Variants in RBFOX2 observed in about 807,000 individuals in gnomAD.
The protein encoded by RBFOX2 is RNA binding fox-1 homolog 2, also known as RNA binding protein fox-1 homolog 2.
In RBFOX2, 10 loss-of-function variants were observed where a neutral mutation model predicts 49.1. That is an observed-to-expected ratio of 0.20 (90% CI 0.13 to 0.35). The LOEUF is 0.35. Among genes scored for constraint, RBFOX2 ranks in the 10% least tolerant of loss-of-function variants. The pLI is 1.00. For synonymous variants in RBFOX2, 183 were observed against 187.4 expected, an observed-to-expected ratio of 0.98 and a Z score of 0.19; for missense variants, 323 against 486.9, an observed-to-expected ratio of 0.66 and a Z score of 3.17.
intron 1 of RBFOX2, among the ~76,000 whole-genome samples, chr22:35,822,258 T>C (rs2148473975): frequency 6.6e-6 from 1 of 152,356 alleles, no homozygotes; most frequent in South Asian, 2.1e-4. Context: ...GCTATCCTTC[T>C]ACTGTGTGCT....
intron 1 of RBFOX2, among the ~76,000 whole-genome samples, chr22:35,919,985 CCTT>C (rs2050851430): frequency 6.6e-6 from 1 of 152,174 alleles, no homozygotes; most frequent in African/African-American, 2.4e-5. Context: ...CACCTAGTCT[CCTT>C]CTGTCCCAGC....
exon 12 of RBFOX2, chr22:35,744,129 C>T: frequency 1.5e-6 from 2 of 1,319,364 alleles, no homozygotes; most frequent in Middle Eastern, 1.9e-4. Context: ...TATAGAGTTC[C>T]TCTACTAGTA....
intron 1 of RBFOX2, among the ~76,000 whole-genome samples, chr22:35,948,728 G>A (rs1274893080): frequency 2.6e-5 from 4 of 151,944 alleles, no homozygotes; most frequent in Admixed American, 1.3e-4. Flanking sequence ...AAAGTTCCCC[G>A]TTAATCTATC....
chr22:35,746,662 A>G (rs1326598661), intron 9 of RBFOX2, 101 bp from the exon 12 acceptor site: 1 of 555,270 alleles, frequency 1.8e-6, no homozygotes, highest in Non-Finnish European at 2.9e-6. Flanking sequence ...ATGTAGACAC[A>G]GGGACTGACA....
intron 1 of RBFOX2, chr22:35,999,941 T>G (rs1307281712): frequency 6.6e-6 from 1 of 150,746 alleles, no homozygotes; most frequent in Non-Finnish European, 1.5e-5. Flanking sequence ...GAATGCATCA[T>G]TAGCTTTACA....
chr22:35,958,402 T>G (rs1251681934), intron 1 of RBFOX2, among the ~76,000 whole-genome samples: 1 of 152,210 alleles, frequency 6.6e-6, no homozygotes, highest in Admixed American at 6.5e-5. Context: ...ACTATTATTG[T>G]AACAATTTTT....
intron 1 of RBFOX2, among the ~76,000 whole-genome samples, chr22:35,974,598 A>G (rs1401104541): frequency 6.6e-6 from 1 of 152,146 alleles, no homozygotes; most frequent in Non-Finnish European, 1.5e-5. Context: ...GAGGCGGGAG[A>G]ATCACTTGAA....
chr22:35,916,262 T>C (rs1289511559), intron 1 of RBFOX2, among the ~76,000 whole-genome samples: 2 of 152,160 alleles, frequency 1.3e-5, no homozygotes, highest in African/African-American at 2.4e-5. Context: ...GTCCACCTTA[T>C]AGAGAGAATG....
At chr22:36,024,064 C>A (rs2059340165) in intron 1 of RBFOX2, among the ~76,000 whole-genome samples, 1 of 152,172 alleles carries the variant, frequency 6.6e-6, no homozygotes, top group Non-Finnish European at 1.5e-5. Flanking sequence ...AGTAAATGAA[C>A]TTATTCTATA....
intron 1 of RBFOX2, among the ~76,000 whole-genome samples, chr22:35,974,283 G>A (rs1389161416): frequency 6.6e-6 from 1 of 152,208 alleles, no homozygotes; most frequent in Non-Finnish European, 1.5e-5. Flanking sequence ...GAGAAAAGGA[G>A]TTTTTAGATT....
chr22:35,878,337 G>A (rs2045431386), intron 1 of RBFOX2, among the ~76,000 whole-genome samples: 1 of 152,244 alleles, frequency 6.6e-6, no homozygotes. Flanking sequence ...GGCGATAGCT[G>A]CAGTGAGCCG....
At chr22:35,852,314 T>C (rs1487770017) in intron 1 of RBFOX2, among the ~76,000 whole-genome samples, 1 of 151,986 alleles carries the variant, frequency 6.6e-6, no homozygotes, top group East Asian at 1.9e-4. Flanking sequence ...CTCCCACAGA[T>C]ATGAGAGGAC....
intron 2 of RBFOX2, among the ~76,000 whole-genome samples, chr22:35,784,690 CA>C (rs1005323276): frequency 2.0e-5 from 3 of 152,258 alleles, no homozygotes; most frequent in African/African-American, 7.2e-5. Flanking sequence ...AGCCGCGGAC[CA>C]AGTCCTGCAG....
At chr22:35,785,737 A>G (rs918768348) in intron 2 of RBFOX2, among the ~76,000 whole-genome samples, 6 of 152,226 alleles carry the variant, frequency 3.9e-5, no homozygotes, top group African/African-American at 1.2e-4. Flanking sequence ...TTCATGTGAT[A>G]TAAAAATAGC....
Position 35,768,475 on chromosome 22 carries a change from C to T in RBFOX2, c.454-126G>A, listed in dbSNP as rs931167300. ...TCAGCAACAACTCAGCAATAATCTC[C>T]CAAAGTCACATTTTTGGTCCATGCA... On this transcript the variant is annotated intron_variant, in intron 4 of 11. Transcript: ENST00000405409. 1.4e-5 allele frequency: 11 copies of T among 763,138 alleles called. No homozygotes were observed. The African/African-American group carries it at 1.9e-4, about 13-fold the overall frequency. The allele number at this position is 763,138 out of a possible 1,614,324, so 47.3% of individuals were successfully genotyped here. A position where few individuals can be genotyped will look rare whatever the true frequency, so the allele number is the denominator to read the frequency against.
chr22:35,823,991 T>C (rs987474581), intron 1 of RBFOX2, among the ~76,000 whole-genome samples: 10 of 151,772 alleles, frequency 6.6e-5, no homozygotes, highest in African/African-American at 2.2e-4. Flanking sequence ...CTACTAAAGA[T>C]ACAAAAAATT....
At chr22:35,754,668 C>T (rs1936312862) in intron 9 of RBFOX2, among the ~76,000 whole-genome samples, 1 of 152,062 alleles carries the variant, frequency 6.6e-6, no homozygotes, top group Non-Finnish European at 1.5e-5. Flanking sequence ...TAGGAGATTC[C>T]CCAGTTCTCA....
chr22:35,938,772 T>C lies in RBFOX2; in HGVS notation c.-34+75A>G, dbSNP rs1459863837. ...CAAAGTAAGTAATTTCAGGAAATGC[T>C]CTCTATCATAGCAACCCTTTGATGA... On this transcript the variant is annotated intron_variant, in intron 1 of 13. Transcript: ENST00000359369. 5 of 1,381,476 alleles carry C rather than the reference T, an allele frequency of 3.6e-6. No homozygotes were observed. In the East Asian group the frequency reaches 1.2e-4, roughly 32 times the overall value. The allele number at this position is 1,381,476 out of a possible 1,614,324, so 85.6% of individuals were successfully genotyped here.
intron 1 of RBFOX2, among the ~76,000 whole-genome samples, chr22:35,968,082 C>T (rs954932701): frequency 6.6e-6 from 1 of 152,058 alleles, no homozygotes. Context: ...ATTTCTTATC[C>T]CTTTCTTCCT....
Sources: allele counts gnomAD v4.1 joint callset (sites outside exome capture counted in the v4.1 genomes callset), GRCh38; gene constraint gnomAD v4.1.1; transcripts MANE v1.5; gene names NCBI Gene and HGNC (gene_info 2026-07-23, HGNC 2026-07-21).